KLC3: variants seen among roughly 807,000 people sequenced by gnomAD.
KLC3 encodes the protein kinesin light chain 3.
Under a neutral mutation model 62.9 loss-of-function variants are expected in KLC3, and 72 were observed. That is an observed-to-expected ratio of 1.15 (90% CI 0.95 to 1.39). The LOEUF is 1.39. Ranked by LOEUF, KLC3 falls within the 40% of genes most tolerant of loss-of-function variation. The pLI, the probability that KLC3 is intolerant of heterozygous loss-of-function variation, is 0.00. For synonymous variants in KLC3, 377 were observed against 300.5 expected (o/e 1.25, Z -2.63); for missense variants, 848 against 691.6 (o/e 1.23, Z -2.54).
chr19:45,342,265 G>A (rs192608367), intron 1 of KLC3, among the ~76,000 whole-genome samples: 44 of 152,196 alleles, frequency 2.9e-4, no homozygotes, highest in African/African-American at 1.1e-3. Flanking sequence ...TGTGAGGTGT[G>A]AGAATAGGTA....
chr19:45,346,519 G>T (rs755992343), intron 2 of KLC3, 25 bp from the exon 3 acceptor site: 4 of 1,505,378 alleles, frequency 2.7e-6, no homozygotes, highest in Non-Finnish European at 2.7e-6. Flanking sequence ...AACCAACCTC[G>T]ACTTGGGACC....
intron 1 of KLC3, among the ~76,000 whole-genome samples, chr19:45,341,586 C>CGCGCGT (rs746391396): frequency 8.7e-6 from 1 of 114,528 alleles, no homozygotes; most frequent in Non-Finnish European, 1.9e-5. Flanking sequence ...TGTGCGCGCG[C>CGCGCGT]GCGTGTGGTG....
Position 45,350,808 on chromosome 19 carries a change from C to T in KLC3, c.1379+61C>T, listed in dbSNP as rs1971717975. ...TCAGCAGAATCCACAGCCCACCCCA[C>T]CCCCACCCCCATCTTGCTCAAGAAC... is the stretch of plus-strand genomic sequence containing the variant. On this transcript the variant is annotated intron_variant, in intron 11 of 12. Transcript: ENST00000391946. The T allele has an allele frequency of 3.0e-6, 4 of 1,334,526 alleles. No individual in the cohort carries two copies. The Admixed American group carries it at 5.9e-5, about 20-fold the overall frequency. 82.7% of individuals were successfully genotyped at this position (1,334,526 alleles called of 1,614,324 possible). A position where few individuals can be genotyped will look rare whatever the true frequency, so the allele number is the denominator to read the frequency against.
chr19:45,342,966 T>C (rs1044459185), intron 1 of KLC3, among the ~76,000 whole-genome samples: 1 of 151,854 alleles, frequency 6.6e-6, no homozygotes. Context: ...GTGGCTTGAG[T>C]GAAGTGTGCG....
In KLC3 at chr19:45,351,282, C is replaced by G; in HGVS notation, c.1444-4C>G. On this transcript the variant is annotated splice_region_variant and splice_polypyrimidine_tract_variant and intron_variant, in intron 12 of 12. Coordinates refer to ENST00000391946, the MANE Select transcript of KLC3 (RefSeq NM_177417.3). ...CTCCAACCATCCCCTGTGCCTGTCT[C>G]CAGTTTCCCAGCTGGCACCTGGACA... The G allele has an allele frequency of 1.6e-5, 26 of 1,612,532 alleles. No individual in the cohort carries two copies. The highest frequency in any genetic ancestry group is 2.2e-5 in the Non-Finnish European group (26 of 1,179,928).
Position 45,341,578 on chromosome 19 carries a change from T to TGC in KLC3, c.-9+742_-9+743dup, listed in dbSNP as rs200152688. ...TGGTGTGTGTGTGTGTGTGTGTGTG[T>TGC]GCGCGCGCGCGTGTGGTGGACAGTG... On this transcript the variant is annotated intron_variant, in intron 1 of 12. Transcript: ENST00000391946. Among the ~76,000 whole-genome samples, 1,144 of 139,874 alleles carry TGC rather than the reference T, an allele frequency of 8.2e-3. 11 individuals are homozygous for TGC. The highest frequency in any genetic ancestry group is 0.014 in the African/African-American group (519 of 37,444). The allele number at this position is 139,874 out of a possible 152,430, so 91.8% of individuals were successfully genotyped here. A position where few individuals can be genotyped will look rare whatever the true frequency, so the allele number is the denominator to read the frequency against.
intron 1 of KLC3, among the ~76,000 whole-genome samples, chr19:45,341,576 T>TGCGCGCGCGC (rs1188553164): frequency 3.1e-5 from 4 of 130,050 alleles, no homozygotes; most frequent in Admixed American, 7.4e-5. Context: ...TGTGTGTGTG[T>TGCGCGCGCGC]GTGCGCGCGC....
At chr19:45,349,837 T>G (rs1022798043) in intron 8 of KLC3, 7 of 529,050 alleles carry the variant, frequency 1.3e-5, no homozygotes, top group Non-Finnish European at 1.7e-5. Flanking sequence ...CAGGCACAGG[T>G]GGCAGCAGCA....
intron 4 of KLC3, 119 bp downstream of exon 4, chr19:45,347,635 G>A (rs939209019): frequency 2.8e-5 from 26 of 926,512 alleles, no homozygotes; most frequent in Non-Finnish European, 3.8e-5. Context: ...AGGGTGAGGA[G>A]GACCCTGAAT....
Position 45,346,543 on chromosome 19 carries a change from G to A in KLC3, c.259-1G>A. The A allele has an allele frequency of 1.3e-6, 2 of 1,526,894 alleles. No homozygotes were observed. The highest frequency in any genetic ancestry group is 2.4e-5 in the South Asian group (2 of 82,040). The allele number at this position is 1,526,894 out of a possible 1,614,324, so 94.6% of individuals were successfully genotyped here. On this transcript the variant is annotated splice_acceptor_variant, in intron 2 of 12. Coordinates refer to ENST00000391946, the MANE Select transcript of KLC3 (RefSeq NM_177417.3). LOFTEE classifies it high-confidence loss of function. ...CGACTTGGGACCCCCACCCCGGGCA[G>A]GTGCTGCTGGCCCTGTCGGCACATG...
chr19:45,347,933 CCACCT>C lies in KLC3; in HGVS notation c.560-7_560-3del. ...GCAGTGACCCAGAGCCCACCCCACC[CCACCT>C]AGGTCCTGAGGCCGCAGGAGCAGCA... On this transcript the variant is annotated splice_region_variant and splice_polypyrimidine_tract_variant and intron_variant, in intron 4 of 12. Transcript: ENST00000391946. 1 of 1,593,560 alleles carries C rather than the reference CCACCT, an allele frequency of 6.3e-7. No individual in the cohort carries two copies. The highest frequency in any genetic ancestry group is 1.1e-5 in the South Asian group (1 of 88,098).
intron 8 of KLC3, 99 bp downstream of exon 8, chr19:45,349,701 G>C: frequency 1.2e-6 from 1 of 807,900 alleles, no homozygotes; most frequent in Non-Finnish European, 1.8e-6. Flanking sequence ...GAGGGTGGGG[G>C]GGGGCCCCCC....
At position 45,341,578 on chromosome 19, in the gene KLC3, T is replaced by TGTGTGTGCGCGCGC; in HGVS notation, c.-9+733_-9+734insTGTGTGCGCGCGCG. Reference sequence around the variant, plus strand: ...TGGTGTGTGTGTGTGTGTGTGTGTGTGCGCGCGCGCGTGTGGTGGACAGTG... The same window carrying TGTGTGTGCGCGCGC: ...TGGTGTGTGTGTGTGTGTGTGTGTGTGTGTGTGCGCGCGCGCGCGCGCGCGTGTGGTGGACAGTG... On this transcript the variant is annotated intron_variant, in intron 1 of 12. Transcript: ENST00000391946. 1.7e-3 allele frequency among the ~76,000 whole-genome samples: 236 copies of TGTGTGTGCGCGCGC among 139,880 alleles called. 1 individual carries two copies. The highest frequency in any genetic ancestry group is 1.7e-3 in the Non-Finnish European group (111 of 64,272). The allele number at this position is 139,880 out of a possible 152,430, so 91.8% of individuals were successfully genotyped here.
At chr19:45,344,510 C>T (rs2081861561) in intron 1 of KLC3, among the ~76,000 whole-genome samples, 6 of 151,938 alleles carry the variant, frequency 3.9e-5, no homozygotes, top group Non-Finnish European at 8.8e-5. Flanking sequence ...TGAGCCACTA[C>T]ACCTGGCCCC....
In KLC3 at chr19:45,341,188, G is replaced by GTT. The variant is rs1297790770; in HGVS notation, c.-9+343_-9+344insTT. On this transcript the variant is annotated intron_variant, in intron 1 of 12. Coordinates refer to ENST00000391946, the MANE Select transcript of KLC3 (RefSeq NM_177417.3). ...GGGAGTCTCCTGCCTGCCTGTGTTT[G>GTT]TGTGTGTGTGTGTGTGTGTGTGTGT... is the stretch of plus-strand genomic sequence containing the variant. 2.6e-4 allele frequency among the ~76,000 whole-genome samples: 39 copies of GTT among 148,118 alleles called. No individual in the cohort carries two copies. In the South Asian group the frequency reaches 7.9e-3, roughly 30 times the overall value.
At position 45,342,548 on chromosome 19, in the gene KLC3, T is replaced by C. The variant is rs1376265657; in HGVS notation, c.-9+1702T>C. Among the ~76,000 whole-genome samples the C allele has an allele frequency of 3.9e-5, 6 of 152,134 alleles. No homozygotes were observed. The East Asian group carries it at 9.7e-4, about 25-fold the overall frequency. On this transcript the variant is annotated intron_variant, in intron 1 of 12. Transcript: ENST00000391946. ...GCCAAGGGGGGAGCGGGTGGATCAT[T>C]TGAGGTCAGGAGTTTGAGACCAGCC...
At chr19:45,349,863 C>T (rs55936278) in intron 8 of KLC3, 15,099 of 502,114 alleles carry the variant, frequency 0.03, 279 homozygotes, top group Non-Finnish European at 0.036. Flanking sequence ...TTATTGAGCT[C>T]ACTGTGGCCG....
intron 1 of KLC3, among the ~76,000 whole-genome samples, chr19:45,342,958 G>A (rs1971421582): frequency 6.6e-6 from 1 of 152,200 alleles, no homozygotes; most frequent in South Asian, 2.1e-4. Context: ...TGGATGCAGT[G>A]GCTTGAGTGA....
Position 45,350,338 on chromosome 19 carries a change from C to T in KLC3, c.1144-3C>T, listed in dbSNP as rs918904034. 1.2e-6 allele frequency: 2 copies of T among 1,612,744 alleles called. No individual in the cohort carries two copies. The highest frequency in any genetic ancestry group is 1.7e-6 in the Non-Finnish European group (2 of 1,179,706). ...AAGTTCCCAGACACTCCCTTCTCCG[C>T]AGGCCTCAGCCTACCTGAAACAGAA... On this transcript the variant is annotated splice_polypyrimidine_tract_variant and splice_region_variant and intron_variant, in intron 8 of 12. Coordinates refer to ENST00000391946, the MANE Select transcript of KLC3 (RefSeq NM_177417.3).
Sources: gnomAD v4.1 joint callset for allele counts (sites outside exome capture counted in the v4.1 genomes callset) on GRCh38, gnomAD v4.1.1 for gene constraint, MANE v1.5 for transcripts, NCBI Gene and HGNC (gene_info 2026-07-23, HGNC 2026-07-21) for gene names.